Variants in INPP5A observed in about 807,000 individuals in gnomAD.
INPP5A encodes the protein inositol polyphosphate-5-phosphatase A, also known as 43 kDa inositol polyphosphate 5-phophatase.
INPP5A carries 14 observed loss-of-function variants against 65.2 expected under a neutral mutation model. The ratio of observed to expected loss-of-function variants is 0.21; its 90% confidence interval spans 0.14 to 0.34. INPP5A has a LOEUF of 0.34. INPP5A is among the 10% of genes least tolerant of loss of function. The pLI, the probability that INPP5A is intolerant of heterozygous loss-of-function variation, is 1.00. For synonymous variants in INPP5A, 207 were observed against 208.3 expected (o/e 0.99, Z 0.05); for missense variants, 431 against 545.6 (o/e 0.79, Z 2.09).
chr10:132,639,249 G>A (rs2133383119), intron 2 of INPP5A, among the ~76,000 whole-genome samples: 1 of 150,598 alleles, frequency 6.6e-6, no homozygotes, highest in African/African-American at 2.4e-5. Context: ...GTGTGAAAAT[G>A]TTTCCCTTTG....
chr10:132,714,142 T>G (rs1422343534), intron 8 of INPP5A, among the ~76,000 whole-genome samples: 1 of 152,184 alleles, frequency 6.6e-6, no homozygotes, highest in Non-Finnish European at 1.5e-5. Context: ...AAATGTGTCA[T>G]TGCCCCTCGC....
At chr10:132,598,426 C>T (rs2071735284) in intron 1 of INPP5A, among the ~76,000 whole-genome samples, 1 of 152,198 alleles carries the variant, frequency 6.6e-6, no homozygotes, top group African/African-American at 2.4e-5. Context: ...TCCTTTGTCA[C>T]CAACATTTTA....
intron 13 of INPP5A, among the ~76,000 whole-genome samples, chr10:132,780,262 G>A (rs749780364): frequency 1.1e-4 from 16 of 152,374 alleles, no homozygotes; most frequent in South Asian, 4.1e-4. Context: ...GGAGGCGCCC[G>A]GAATACAGGC....
rs1847173407 is a variant in INPP5A, at chr10:132,782,079, C to T, written c.*50C>T. 6.5e-7 allele frequency: 1 copy of T among 1,548,904 alleles called. No individual in the cohort carries two copies. Among genetic ancestry groups the T allele is most frequent in the Non-Finnish European group, 8.7e-7 (1 of 1,143,808 alleles). On this transcript the variant is annotated 3_prime_UTR_variant, in exon 16 of 16. Coordinates refer to ENST00000368594, the MANE Select transcript of INPP5A (RefSeq NM_005539.5). This position sits in a 1 kb window ranked among gnomAD's most constrained non-coding sequence, Gnocchi z 4.4. ...CACGAGAGGACACTTCGTGAGCCTC[C>T]CTGTAGCCGTGGACCGAATACGCAC...
At chr10:132,653,323 G>T (rs565731042) in intron 4 of INPP5A, among the ~76,000 whole-genome samples, 108 of 152,374 alleles carry the variant, frequency 7.1e-4, no homozygotes, top group Middle Eastern at 3.4e-3. Context: ...CGAGGGCTGC[G>T]GCTGCCTCCA....
intron 1 of INPP5A, among the ~76,000 whole-genome samples, chr10:132,577,331 T>G (rs1208632666): frequency 6.6e-6 from 1 of 152,132 alleles, no homozygotes; most frequent in Non-Finnish European, 1.5e-5. Flanking sequence ...CATATCCTAG[T>G]TGGTATCTGA....
intron 1 of INPP5A, among the ~76,000 whole-genome samples, chr10:132,579,601 C>T (rs1372262834): frequency 6.6e-6 from 1 of 152,164 alleles, no homozygotes; most frequent in African/African-American, 2.4e-5. Context: ...CTCTGTGCTT[C>T]TGCGGCTGGC....
At chr10:132,710,248 C>G (rs1845610834) in intron 7 of INPP5A, 89 bp from the exon 8 acceptor site, 2 of 1,501,456 alleles carry the variant, frequency 1.3e-6, no homozygotes, top group Non-Finnish European at 1.8e-6. Context: ...CAGTGCAGGT[C>G]TTATCTTCCC....
At chr10:132,640,336 C>T (rs140249513) in intron 2 of INPP5A, among the ~76,000 whole-genome samples, 13 of 152,354 alleles carry the variant, frequency 8.5e-5, no homozygotes, top group Admixed American at 3.3e-4. Context: ...GAGACTCAAG[C>T]GGCTTCATAC....
chr10:132,763,840 C>G (rs1182642579), intron 11 of INPP5A, among the ~76,000 whole-genome samples: 3 of 152,284 alleles, frequency 2.0e-5, no homozygotes, highest in Non-Finnish European at 2.9e-5. Context: ...CATGCAAACA[C>G]ACACATGCCT....
chr10:132,616,043 C>A lies in INPP5A; in HGVS notation c.117+8087C>A, dbSNP rs117685476. ...CCCTCTGTAGCTGCCGGTTCCGGGT[C>A]CTGTGGGGAGCGGTGAGGGATGGTC... On this transcript the variant is annotated intron_variant, in intron 2 of 15. Coordinates refer to ENST00000368594, the MANE Select transcript of INPP5A (RefSeq NM_005539.5). This position sits in a 1 kb window ranked among gnomAD's most constrained non-coding sequence, Gnocchi z 4.9. Among the ~76,000 whole-genome samples the A allele has an allele frequency of 1.3e-5, 2 of 152,132 alleles. No individual in the cohort carries two copies. Among genetic ancestry groups the A allele is most frequent in the Admixed American group, 6.5e-5 (1 of 15,278 alleles).
intron 12 of INPP5A, among the ~76,000 whole-genome samples, chr10:132,767,019 G>A (rs1251658790): frequency 7.0e-6 from 1 of 143,028 alleles, no homozygotes; most frequent in East Asian, 2.2e-4. Context: ...CGGAGCTTGG[G>A]TGGGAGCTGG....
At chr10:132,700,803 CAG>C (rs1845424671) in intron 6 of INPP5A, among the ~76,000 whole-genome samples, 1 of 152,242 alleles carries the variant, frequency 6.6e-6, no homozygotes, top group Admixed American at 6.5e-5. Context: ...AATGCAGTCT[CAG>C]ATAATTACAG....
intron 6 of INPP5A, among the ~76,000 whole-genome samples, chr10:132,700,860 CT>C (rs1845425622): frequency 6.6e-6 from 1 of 152,238 alleles, no homozygotes; most frequent in Non-Finnish European, 1.5e-5. Flanking sequence ...TTTATGGATG[CT>C]TTTGGCTTGG....
chr10:132,579,328 G>A (rs1041979971), intron 1 of INPP5A, among the ~76,000 whole-genome samples: 24 of 152,122 alleles, frequency 1.6e-4, no homozygotes, highest in African/African-American at 5.3e-4. Flanking sequence ...TGAGTGAGGC[G>A]TACCTGTTGG....
At chr10:132,605,437 G>A (rs1209734552) in intron 1 of INPP5A, among the ~76,000 whole-genome samples, 14 of 136,316 alleles carry the variant, frequency 1.0e-4, no homozygotes, top group African/African-American at 3.8e-4. Context: ...AGGGGCTGGG[G>A]ATGGGGAGGG....
At position 132,636,135 on chromosome 10, in the gene INPP5A, CA is replaced by C. The variant is rs552433693; in HGVS notation, c.118-9726del. ...AAAATCCCAGTTGGAAATATTATTT[CA>C]AAAAAATGCTTTATTGGATAAACAA... On this transcript the variant is annotated intron_variant, in intron 2 of 15. Transcript: ENST00000368594. Among the ~76,000 whole-genome samples the C allele has an allele frequency of 2.8e-3, 424 of 150,006 alleles. 1 individual carries two copies. The highest frequency in any genetic ancestry group is 0.01 in the African/African-American group (413 of 40,622).
At chr10:132,755,446 GAGC>G (rs1302670534) in intron 11 of INPP5A, among the ~76,000 whole-genome samples, 2 of 150,270 alleles carry the variant, frequency 1.3e-5, no homozygotes, top group African/African-American at 2.5e-5. Flanking sequence ...GTGTGCATGA[GAGC>G]AGGTGTGAGC....
intron 9 of INPP5A, among the ~76,000 whole-genome samples, chr10:132,737,366 C>T (rs545291190): frequency 6.6e-6 from 1 of 152,350 alleles, no homozygotes; most frequent in East Asian, 1.9e-4. Context: ...GCACACAGCC[C>T]CATCCTCCTG....
Sources: gnomAD v4.1 joint callset for allele counts (sites outside exome capture counted in the v4.1 genomes callset) on GRCh38, gnomAD v4.1.1 for gene constraint, Gnocchi (gnomAD v3.1) non-coding constraint, MANE v1.5 for transcripts, NCBI Gene and HGNC (gene_info 2026-07-23, HGNC 2026-07-21) for gene names.